Variants in CACNA2D3 observed in about 807,000 individuals in gnomAD.
CACNA2D3 encodes the protein voltage-dependent calcium channel subunit alpha-2/delta-3.
In CACNA2D3, 60 loss-of-function variants were observed where a neutral mutation model predicts 160.6. The observed-to-expected ratio is 0.37, with a 90% CI of 0.30 to 0.46. The LOEUF (loss-of-function observed/expected upper bound fraction) is 0.46. Among genes scored for constraint, CACNA2D3 ranks in the 20% least tolerant of loss-of-function variants. The pLI, the probability that CACNA2D3 is intolerant of heterozygous loss-of-function variation, is 1.00. For synonymous variants in CACNA2D3, 558 were observed against 492.9 expected (o/e 1.13, Z -1.75); for missense variants, 1,205 against 1,365.0 (o/e 0.88, Z 1.85).
At chr3:54,218,310 T>G (rs1701500030) in intron 2 of CACNA2D3, among the ~76,000 whole-genome samples, 1 of 152,122 alleles carries the variant, frequency 6.6e-6, no homozygotes, top group African/African-American at 2.4e-5. Flanking sequence ...GGCACATGCA[T>G]GGGGCAGCTG....
intron 12 of CACNA2D3, among the ~76,000 whole-genome samples, chr3:54,754,004 A>G (rs1229703866): frequency 6.6e-6 from 1 of 152,240 alleles, no homozygotes; most frequent in African/African-American, 2.4e-5. Context: ...GTTTGTATCC[A>G]GTTCTTCCTT....
intron 2 of CACNA2D3, among the ~76,000 whole-genome samples, chr3:54,190,220 G>C (rs1229207960): frequency 6.6e-6 from 1 of 152,196 alleles, no homozygotes; most frequent in Non-Finnish European, 1.5e-5. Flanking sequence ...CACTTTGGGA[G>C]TAAGGAATTT....
At chr3:54,688,862 G>T (rs1011504810) in intron 11 of CACNA2D3, among the ~76,000 whole-genome samples, 1 of 150,896 alleles carries the variant, frequency 6.6e-6, no homozygotes, top group Non-Finnish European at 1.5e-5. Flanking sequence ...TTAGCTGGAC[G>T]TCCCAGCTAC....
At chr3:54,375,437 G>A (rs1022556090) in intron 3 of CACNA2D3, among the ~76,000 whole-genome samples, 1 of 151,974 alleles carries the variant, frequency 6.6e-6, no homozygotes, top group Non-Finnish European at 1.5e-5. Context: ...TCAGTCCTTT[G>A]TTAGGGGGTG....
At chr3:54,595,663 G>T (rs1702941389) in intron 9 of CACNA2D3, among the ~76,000 whole-genome samples, 1 of 152,086 alleles carries the variant, frequency 6.6e-6, no homozygotes, top group African/African-American at 2.4e-5. Context: ...TCTTCCTGAG[G>T]CTTTTTCCCT....
At chr3:54,270,838 T>C (rs1460313007) in intron 2 of CACNA2D3, among the ~76,000 whole-genome samples, 2 of 152,238 alleles carry the variant, frequency 1.3e-5, no homozygotes, top group Non-Finnish European at 2.9e-5. Context: ...CTCATTCCTT[T>C]TGACACAGCC....
chr3:54,202,655 G>A (rs1222980054), intron 2 of CACNA2D3, among the ~76,000 whole-genome samples: 1 of 152,212 alleles, frequency 6.6e-6, no homozygotes, highest in Non-Finnish European at 1.5e-5. Context: ...TTGGTTGAAA[G>A]AGAAACAATG....
intron 11 of CACNA2D3, among the ~76,000 whole-genome samples, chr3:54,687,121 CTTTTTTTTT>C (rs757838355): frequency 1.1e-5 from 1 of 94,936 alleles, no homozygotes. Context: ...TTTTCTTTTT[CTTTTTTTTT>C]TTTTGTTTTT....
At chr3:54,135,344 G>C (rs780129992) in intron 2 of CACNA2D3, among the ~76,000 whole-genome samples, 6 of 152,198 alleles carry the variant, frequency 3.9e-5, no homozygotes, top group African/African-American at 1.4e-4. Context: ...GGCCTGTCAG[G>C]CATCTTCATG....
intron 2 of CACNA2D3, among the ~76,000 whole-genome samples, chr3:54,250,188 T>C (rs1702160284): frequency 6.6e-6 from 1 of 152,154 alleles, no homozygotes; most frequent in South Asian, 2.1e-4. Flanking sequence ...AAAATCCTGA[T>C]TTTGTGGTCA....
At chr3:54,169,368 G>A (rs1700516515) in intron 2 of CACNA2D3, among the ~76,000 whole-genome samples, 1 of 152,002 alleles carries the variant, frequency 6.6e-6, no homozygotes, top group Non-Finnish European at 1.5e-5. Context: ...TTTCTTCTGG[G>A]CTCCGGAGAT....
chr3:55,025,170 G>A (rs147495776), intron 35 of CACNA2D3, among the ~76,000 whole-genome samples: 13 of 152,210 alleles, frequency 8.5e-5, no homozygotes, highest in African/African-American at 2.2e-4. Context: ...ATTAGAAATC[G>A]TAATTAGAAA....
At chr3:54,724,428 T>C (rs1301218482) in intron 11 of CACNA2D3, among the ~76,000 whole-genome samples, 1 of 152,128 alleles carries the variant, frequency 6.6e-6, no homozygotes, top group Non-Finnish European at 1.5e-5. Context: ...CTAACAGATA[T>C]CTACAGAACT....
chr3:54,806,050 T>C (rs79745211), intron 13 of CACNA2D3, among the ~76,000 whole-genome samples: 16,608 of 152,120 alleles, frequency 0.11, 984 homozygotes, highest in South Asian at 0.21. Context: ...ATGAGACATA[T>C]CTCAAAATAA....
chr3:54,805,321 G>A (rs1004591900), intron 13 of CACNA2D3, among the ~76,000 whole-genome samples: 3 of 150,726 alleles, frequency 2.0e-5, no homozygotes, highest in East Asian at 1.9e-4. Context: ...TAATAAAGAA[G>A]AAAAGAGAGA....
At chr3:54,446,182 A>G (rs1296820579) in intron 4 of CACNA2D3, among the ~76,000 whole-genome samples, 1 of 152,206 alleles carries the variant, frequency 6.6e-6, no homozygotes, top group African/African-American at 2.4e-5. Flanking sequence ...TTCAATTTCA[A>G]CAACCTTCAT....
At chr3:54,993,885 AGTGTGTGTGTGTGTGTGTGTGT>A (rs34012508) in intron 31 of CACNA2D3, among the ~76,000 whole-genome samples, 6 of 111,544 alleles carry the variant, frequency 5.4e-5, no homozygotes, top group African/African-American at 2.0e-4. Flanking sequence ...TGCAACTGCT[AGTGTGTGTGTGTGTGTGTGTGT>A]GTGTGTGTGT....
At chr3:54,549,056 A>T (rs914368192) in intron 5 of CACNA2D3, among the ~76,000 whole-genome samples, 2 of 152,098 alleles carry the variant, frequency 1.3e-5, no homozygotes, top group African/African-American at 2.4e-5. Flanking sequence ...CCCCATCCAG[A>T]CCTCTCTTAG....
In CACNA2D3 at chr3:54,676,602, G is replaced by C. The variant is rs549420699; in HGVS notation, c.1167+34361G>C. On this transcript the variant is annotated intron_variant, in intron 11 of 37. Coordinates refer to ENST00000474759, the MANE Select transcript of CACNA2D3 (RefSeq NM_018398.3). ...GAAAAATGCCCTTCTGCTGCATCTTGGTATCCAGATCATTGGAATTGCCCT... is the reference window on the plus strand; with the variant it reads ...GAAAAATGCCCTTCTGCTGCATCTTCGTATCCAGATCATTGGAATTGCCCT... Among the ~76,000 whole-genome samples the C allele has an allele frequency of 2.6e-5, 4 of 152,232 alleles. No homozygotes were observed. The East Asian group carries it at 5.8e-4, about 22-fold the overall frequency.
Sources: allele counts gnomAD v4.1 joint callset (sites outside exome capture counted in the v4.1 genomes callset), GRCh38; gene constraint gnomAD v4.1.1; transcripts MANE v1.5; gene names NCBI Gene and HGNC (gene_info 2026-07-23, HGNC 2026-07-21).